The following STK3 variants were observed in gnomAD, a reference collection of about 807,000 sequenced individuals.
The protein encoded by STK3 is serine/threonine kinase 3.
A neutral mutation model predicts 58.0 loss-of-function variants in STK3; 41 were observed. The ratio of observed to expected loss-of-function variants is 0.71; its 90% confidence interval spans 0.55 to 0.92. STK3 has a LOEUF of 0.92. STK3 is among the 40% of genes least tolerant of loss of function. STK3 has a pLI of 0.00. For missense variants in STK3, 479 were observed against 602.7 expected (o/e 0.79, Z 2.15); for synonymous variants, 170 against 191.0 (o/e 0.89, Z 0.91).
intron 3 of STK3, among the ~76,000 whole-genome samples, chr8:98,832,859 T>C (rs1835591792): frequency 6.6e-6 from 1 of 152,126 alleles, no homozygotes; most frequent in African/African-American, 2.4e-5. Flanking sequence ...GACATGACAA[T>C]GCCCAGCACC....
In STK3 at chr8:98,403,019, T is replaced by A. The variant is rs57977554; in HGVS notation, n.484-1506A>T. Among the ~76,000 whole-genome samples, 231 of 152,238 alleles carry A rather than the reference T, an allele frequency of 1.5e-3. 2 individuals are homozygous for A. Among genetic ancestry groups the A allele is most frequent in the African/African-American group, 5.4e-3 (224 of 41,546 alleles). ...ACTTTCTTGGGCCTTGCACTAATTG[T>A]GAAGAAGTAAAAACTGAGTTATCAG... is the stretch of plus-strand genomic sequence containing the variant. On this transcript the variant is annotated intron_variant and non_coding_transcript_variant, in intron 3 of 3. Transcript: ENST00000517832.
intron 3 of STK3, among the ~76,000 whole-genome samples, chr8:98,751,917 G>A (rs1414231122): frequency 2.6e-5 from 4 of 151,824 alleles, no homozygotes; most frequent in Non-Finnish European, 5.9e-5. Flanking sequence ...TCCAGCCTGG[G>A]CAACAGAGCA....
intron 3 of STK3, among the ~76,000 whole-genome samples, chr8:98,869,178 T>C (rs1045732893): frequency 6.6e-6 from 1 of 152,024 alleles, no homozygotes; most frequent in Non-Finnish European, 1.5e-5. Flanking sequence ...CCCAGCACTT[T>C]AGGAGGCTGA....
At chr8:98,372,527 C>G (rs190521565) in intron 2 of STK3, among the ~76,000 whole-genome samples, 1 of 113,258 alleles carries the variant, frequency 8.8e-6, no homozygotes, top group East Asian at 2.1e-4. Context: ...TACCTGAACA[C>G]CCAGTGGTTT....
intron 3 of STK3, chr8:98,429,346 T>C (rs756265826): frequency 6.2e-7 from 1 of 1,614,078 alleles, no homozygotes; most frequent in Non-Finnish European, 8.5e-7. Context: ...AAATCCCTTA[T>C]GGCAAGCCTG....
At chr8:98,938,992 C>G (rs1840294876) in intron 1 of STK3, among the ~76,000 whole-genome samples, 1 of 152,162 alleles carries the variant, frequency 6.6e-6, no homozygotes, top group African/African-American at 2.4e-5. Context: ...AAGGCACCCG[C>G]ACTTTTTCTC....
intron 4 of STK3, among the ~76,000 whole-genome samples, chr8:98,713,456 T>C (rs182598723): frequency 6.6e-6 from 1 of 151,992 alleles, no homozygotes; most frequent in Non-Finnish European, 1.5e-5. Flanking sequence ...TCACCACCGA[T>C]CCCATAGAAA....
intron 6 of STK3, among the ~76,000 whole-genome samples, chr8:98,651,088 C>G (rs1333023360): frequency 6.6e-6 from 1 of 152,336 alleles, no homozygotes; most frequent in African/African-American, 2.4e-5. Context: ...CTGGGAGGCA[C>G]CCCCAAGTAG....
intron 1 of STK3, among the ~76,000 whole-genome samples, chr8:98,938,692 G>A (rs185618102): frequency 3.9e-5 from 6 of 152,190 alleles, no homozygotes; most frequent in Admixed American, 2.6e-4. Context: ...GCCCACCCGT[G>A]GTCCCTCGGA....
chr8:98,454,243 GCTACTCTT>G (rs1819334734), downstream of STK3, among the ~76,000 whole-genome samples: 1 of 152,190 alleles, frequency 6.6e-6, no homozygotes, highest in Non-Finnish European at 1.5e-5. Context: ...ACGTGGTGAT[GCTACTCTT>G]CCTGACTCCC....
intron 10 of STK3, 142 bp from the exon 11 acceptor site, chr8:98,456,142 T>G: frequency 2.2e-6 from 2 of 903,510 alleles, no homozygotes; most frequent in Non-Finnish European, 1.6e-6. Flanking sequence ...GAAGTATAGT[T>G]CAACAATTAA....
At chr8:98,758,034 G>C (rs74466974) in intron 3 of STK3, among the ~76,000 whole-genome samples, 3 of 152,196 alleles carry the variant, frequency 2.0e-5, no homozygotes, top group African/African-American at 7.2e-5. Flanking sequence ...AAGAAGGGGA[G>C]AGAGTTTCAC....
chr8:98,590,134 CTT>C (rs1238501725), intron 7 of STK3, among the ~76,000 whole-genome samples: 2 of 152,150 alleles, frequency 1.3e-5, no homozygotes, highest in Non-Finnish European at 2.9e-5. Context: ...AAAATCTTCT[CTT>C]GAGAAAAGTG....
intron 4 of STK3, among the ~76,000 whole-genome samples, chr8:98,709,187 C>T (rs544438844): frequency 6.6e-6 from 1 of 152,130 alleles, no homozygotes; most frequent in South Asian, 2.1e-4. Flanking sequence ...TAGGATAACA[C>T]AGGAAAATGT....
chr8:98,359,755 A>G, the STK3 span, among the ~76,000 whole-genome samples: 1 of 152,084 alleles, frequency 6.6e-6, no homozygotes, highest in South Asian at 2.1e-4. Flanking sequence ...CAAATCTTTG[A>G]TATAAGTCAT....
Position 98,931,208 on chromosome 8 carries a change from T to C in STK3, c.-79+11170A>G, listed in dbSNP as rs547887048. 9.2e-5 allele frequency among the ~76,000 whole-genome samples: 14 copies of C among 152,308 alleles called. No homozygotes were observed. The South Asian group carries it at 2.9e-3, about 32-fold the overall frequency. ...ATGAGCTGAAGTAGTTCTGCTTGTA[T>C]AGGAAGGCCCCTGGGCAGTGTTTTG... On this transcript the variant is annotated intron_variant, in intron 1 of 1. Coordinates refer to the STK3 transcript ENST00000519420.
At chr8:98,691,694 G>A (rs1824414811) in intron 6 of STK3, among the ~76,000 whole-genome samples, 2 of 152,236 alleles carry the variant, frequency 1.3e-5, no homozygotes, top group South Asian at 4.1e-4. Flanking sequence ...AACACTTTGG[G>A]AAGCCAAGGT....
chr8:98,830,753 G>A (rs539443414), intron 3 of STK3, among the ~76,000 whole-genome samples: 11 of 152,146 alleles, frequency 7.2e-5, no homozygotes, highest in Admixed American at 1.3e-4. Context: ...GGCAGATCAC[G>A]AGGTCAGGAG....
In STK3 at chr8:98,420,143, T is replaced by C. The variant is rs953600632; in HGVS notation, n.483+13984A>G. On this transcript the variant is annotated intron_variant and non_coding_transcript_variant, in intron 3 of 3. Coordinates refer to the STK3 transcript ENST00000517832. ...ATTTGATGAAAAATTGTGGAAATAA[T>C]TAATAAATGTTAAATTGTGTGCTTT... Among the ~76,000 whole-genome samples the C allele has an allele frequency of 5.9e-5, 9 of 152,328 alleles. No individual in the cohort carries two copies. The South Asian group carries it at 8.3e-4, about 14-fold the overall frequency.
Sources: gnomAD v4.1 joint callset for allele counts (sites outside exome capture counted in the v4.1 genomes callset) on GRCh38, gnomAD v4.1.1 for gene constraint, MANE v1.5 for transcripts, NCBI Gene and HGNC (gene_info 2026-07-23, HGNC 2026-07-21) for gene names.